The following ABCA3 variants were observed in gnomAD, a reference collection of about 807,000 sequenced individuals.
ABCA3 encodes phospholipid-transporting ATPase ABCA3.
A neutral mutation model predicts 172.8 loss-of-function variants in ABCA3; 88 were observed. The observed-to-expected ratio is 0.51, with a 90% CI of 0.43 to 0.61. The LOEUF (loss-of-function observed/expected upper bound fraction) is 0.61, where lower values mean the gene tolerates loss of function less well. Ranked by LOEUF, ABCA3 falls within the 20% of genes least tolerant of loss-of-function variation. ABCA3 has a pLI of 0.00. For missense variants in ABCA3, 2,164 were observed against 2,301.0 expected, an observed-to-expected ratio of 0.94 and a Z score of 1.22; for synonymous variants, 1,066 against 983.8, an observed-to-expected ratio of 1.08 and a Z score of -1.56.
chr16:2,332,140 A>T (rs1172193290), intron 1 of ABCA3, among the ~76,000 whole-genome samples: 3 of 152,168 alleles, frequency 2.0e-5, no homozygotes, highest in African/African-American at 7.2e-5. Flanking sequence ...TGTCAGCTCA[A>T]GAGCCATCGG....
intron 3 of ABCA3, 32 bp from the exon 4 acceptor site, chr16:2,326,524 T>C: frequency 6.4e-7 from 1 of 1,573,888 alleles, no homozygotes; most frequent in Non-Finnish European, 8.6e-7. Context: ...AGAGTGTGGG[T>C]GCGCAATAGA....
At chr16:2,315,196 TGTA>T (rs1190105953) in intron 10 of ABCA3, among the ~76,000 whole-genome samples, 4 of 145,594 alleles carry the variant, frequency 2.7e-5, no homozygotes, top group East Asian at 3.9e-4. Context: ...AATTGTTGTA[TGTA>T]TTTTACACAC....
In ABCA3 at chr16:2,276,661, C is replaced by G. The variant is rs1221052263; in HGVS notation, c.*13G>C. 1.2e-6 allele frequency: 2 copies of G among 1,612,308 alleles called. No homozygotes were observed. Among genetic ancestry groups the G allele is most frequent in the Non-Finnish European group, 1.7e-6 (2 of 1,179,916 alleles). ...GTCCTGTCCCTGCCTGATGGCGAGA[C>G]AGCCGCCACCCCTCATCGCCCCTCC... On this transcript the variant is annotated 3_prime_UTR_variant, in exon 33 of 33. Transcript: ENST00000301732.
At chr16:2,305,507 G>C (rs1327011802) in intron 11 of ABCA3, among the ~76,000 whole-genome samples, 1 of 152,096 alleles carries the variant, frequency 6.6e-6, no homozygotes, top group Non-Finnish European at 1.5e-5. Flanking sequence ...ATGTTGGCCA[G>C]GATGGTCTCG....
chr16:2,307,648 C>CA (rs2093699936), intron 11 of ABCA3, among the ~76,000 whole-genome samples: 1 of 152,178 alleles, frequency 6.6e-6, no homozygotes. Context: ...TCTTGTCACC[C>CA]AGGCTGGAGT....
At chr16:2,301,379 TTGATA>T (rs1334665635) in intron 12 of ABCA3, among the ~76,000 whole-genome samples, 2 of 152,146 alleles carry the variant, frequency 1.3e-5, no homozygotes, top group Non-Finnish European at 2.9e-5. Flanking sequence ...TAGTGAACAC[TTGATA>T]ACTACTTGTG....
chr16:2,303,848 C>G, intron 12 of ABCA3, 121 bp downstream of exon 12: 2 of 1,147,824 alleles, frequency 1.7e-6, no homozygotes, highest in Admixed American at 2.0e-5. Context: ...GGGCAGGGTT[C>G]TGTGTGCCAG....
At chr16:2,289,298 C>T (rs2093668061) in intron 20 of ABCA3, 136 bp downstream of exon 20, 8 of 1,097,502 alleles carry the variant, frequency 7.3e-6, no homozygotes, top group Middle Eastern at 2.9e-4. Context: ...AGCCGCTGCC[C>T]GCCCTCTGCC....
At chr16:2,337,071 C>G (rs2093752987) in intron 1 of ABCA3, among the ~76,000 whole-genome samples, 1 of 151,374 alleles carries the variant, frequency 6.6e-6, no homozygotes, top group Non-Finnish European at 1.5e-5. Context: ...CGCCACCATA[C>G]CTGGCTATTT....
chr16:2,299,429 T>C lies in ABCA3; in HGVS notation c.1715A>G (p.Lys572Arg). 6.2e-7 allele frequency: 1 copy of C among 1,613,794 alleles called. No homozygotes were observed. The highest frequency in any genetic ancestry group is 8.5e-7 in the Non-Finnish European group (1 of 1,179,944). Residue 572 changes from lysine to arginine, a missense_variant, in exon 14 of 33, where the codon AAG (lysine) becomes AGG (arginine). Transcript: ENST00000301732. ...TGTGAGCATGGAGAGGGTGGTGGTCTTCCCGGCACCGTTGTGGCCCAGCAG... is the reference window on the plus strand; with the variant it reads ...TGTGAGCATGGAGAGGGTGGTGGTCCTCCCGGCACCGTTGTGGCCCAGCAG... Reference protein sequence around the residue: ...TVLLGHNGAGKTTTLSMLTGL... With the variant: ...TVLLGHNGAGRTTTLSMLTGL...
chr16:2,326,828 A>T (rs1239656340), intron 3 of ABCA3, among the ~76,000 whole-genome samples: 3 of 152,148 alleles, frequency 2.0e-5, no homozygotes, highest in Non-Finnish European at 4.4e-5. Flanking sequence ...TCTCTACTGA[A>T]AATACAAAAA....
chr16:2,317,991 C>T (rs180726492), intron 8 of ABCA3, among the ~76,000 whole-genome samples: 15 of 152,368 alleles, frequency 9.8e-5, no homozygotes, highest in South Asian at 2.1e-4. Flanking sequence ...CCACTGCACC[C>T]GGCCAGCCCT....
Position 2,326,024 on chromosome 16 carries a change from A to G in ABCA3, c.305T>C (p.Val102Ala). ...GCATGTCTCACCTCGCATGTTGATCACAAGTGCCCTGCGCACTGTCTCAGT... is the reference window on the plus strand; with the variant it reads ...GCATGTCTCACCTCGCATGTTGATCGCAAGTGCCCTGCGCACTGTCTCAGT... ...TVTETVRRAL[V>A]INMRVRGFPS... is the part of the protein sequence containing the mutation. Residue 102 changes from valine to alanine, a missense_variant, in exon 5 of 33, where the codon GTG becomes GCG. Around this residue, in one of 3 missense-constraint regions of ABCA3, gnomAD observed 1,343 missense variants for 1,369.6 expected, o/e 0.98. Coordinates refer to ENST00000301732, the MANE Select transcript of ABCA3 (RefSeq NM_001089.3). 1 of 1,613,884 alleles carries G rather than the reference A, an allele frequency of 6.2e-7. No individual in the cohort carries two copies. Among genetic ancestry groups the G allele is most frequent in the Non-Finnish European group, 8.5e-7 (1 of 1,179,982 alleles).
rs1187640368 is a variant in ABCA3, at chr16:2,279,799, C to T, written c.4360-669G>A. Among the ~76,000 whole-genome samples the T allele has an allele frequency of 2.0e-5, 3 of 149,620 alleles. No individual in the cohort carries two copies. Among genetic ancestry groups the T allele is most frequent in the Non-Finnish European group, 3.0e-5 (2 of 67,758 alleles). Reference sequence around the variant, plus strand: ...CTCTGTCTCCCTTACACTGGTAGAGCGCAGTGGCATGATCTCGGCTCACTA... The same window carrying T: ...CTCTGTCTCCCTTACACTGGTAGAGTGCAGTGGCATGATCTCGGCTCACTA... On this transcript the variant is annotated intron_variant, in intron 28 of 32. Coordinates refer to ENST00000301732, the MANE Select transcript of ABCA3 (RefSeq NM_001089.3). This position sits in a 1 kb window ranked among gnomAD's most constrained non-coding sequence, Gnocchi z 4.4.
intron 1 of ABCA3, among the ~76,000 whole-genome samples, chr16:2,331,666 A>G (rs1183415486): frequency 6.6e-6 from 1 of 152,238 alleles, no homozygotes; most frequent in African/African-American, 2.4e-5. Context: ...TTTGTTACAA[A>G]AGCAAATGTA....
chr16:2,329,378 T>C lies in ABCA3; in HGVS notation c.-332+270A>G, dbSNP rs566857841. Among the ~76,000 whole-genome samples, 4 of 152,258 alleles carry C rather than the reference T, an allele frequency of 2.6e-5. No individual in the cohort carries two copies. In the East Asian group the frequency reaches 5.8e-4, roughly 22 times the overall value. On this transcript the variant is annotated intron_variant, in intron 2 of 32. Coordinates refer to ENST00000301732, the MANE Select transcript of ABCA3 (RefSeq NM_001089.3). ...AGGCCGGTGCCTCCATTTGGGGCCA[T>C]CATCCCGGGGAAGTACACTCCAGAT...
In ABCA3 at chr16:2,279,533, C is replaced by A. The variant is rs182905380; in HGVS notation, c.4360-403G>T. Among the ~76,000 whole-genome samples, 1 of 152,274 alleles carries A rather than the reference C, an allele frequency of 6.6e-6. No individual in the cohort carries two copies. Among genetic ancestry groups the A allele is most frequent in the Non-Finnish European group, 1.5e-5 (1 of 68,028 alleles). ...TAAGAAGAAAGATTTGTGGGCACCA[C>A]GTTTGGGGTGAGTACTGCTTGGTCA... On this transcript the variant is annotated intron_variant, in intron 28 of 32. Transcript: ENST00000301732. This position sits in a 1 kb window ranked among gnomAD's most constrained non-coding sequence, Gnocchi z 4.4.
chr16:2,300,002 C>G lies in ABCA3; in HGVS notation c.1611+3G>C, dbSNP rs150394879. 1.3e-5 allele frequency: 21 copies of G among 1,612,978 alleles called. No homozygotes were observed. Among genetic ancestry groups the G allele is most frequent in the Admixed American group, 5.0e-5 (3 of 59,994 alleles). ...CCCTCCCTGTCCCCACAGGAGGCGG[C>G]ACCTTGGACAGGTGCTTGATCTTGA... On this transcript the variant is annotated splice_donor_region_variant and intron_variant, in intron 13 of 32. Transcript: ENST00000301732.
intron 19 of ABCA3, among the ~76,000 whole-genome samples, chr16:2,291,498 C>T (rs1010332508): frequency 2.0e-5 from 3 of 152,172 alleles, no homozygotes; most frequent in Non-Finnish European, 4.4e-5. Flanking sequence ...TCTTCATTAA[C>T]GACACAGGTA....
Sources: gnomAD v4.1 joint callset for allele counts (sites outside exome capture counted in the v4.1 genomes callset) on GRCh38, gnomAD v4.1.1 for gene constraint, gnomAD v4.1.1 regional missense constraint, Gnocchi (gnomAD v3.1) non-coding constraint, MANE v1.5 for transcripts, NCBI Gene and HGNC (gene_info 2026-07-23, HGNC 2026-07-21) for gene names.